The following RREB1 variants were observed in gnomAD, a reference collection of about 807,000 sequenced individuals.
RREB1 encodes the protein ras responsive element binding protein 1, also known as ras-responsive element-binding protein 1.
Under a neutral mutation model 117.8 loss-of-function variants are expected in RREB1, and 27 were observed. That is an observed-to-expected ratio of 0.23 (90% CI 0.17 to 0.32). The LOEUF (loss-of-function observed/expected upper bound fraction) is 0.32, where lower values mean the gene tolerates loss of function less well. Ranked by LOEUF, RREB1 falls within the 10% of genes least tolerant of loss-of-function variation. RREB1 has a pLI of 1.00. For missense variants in RREB1, 2,577 were observed against 2,378.2 expected, an observed-to-expected ratio of 1.08 and a Z score of -1.74; for synonymous variants, 1,298 against 1,026.7, an observed-to-expected ratio of 1.26 and a Z score of -5.05.
chr6:7,141,696 C>T (rs1762600178), intron 1 of RREB1, among the ~76,000 whole-genome samples: 1 of 152,232 alleles, frequency 6.6e-6, no homozygotes, highest in Non-Finnish European at 1.5e-5. Context: ...AAAAGAAAAA[C>T]CACGTATCTA....
intron 11 of RREB1, among the ~76,000 whole-genome samples, chr6:7,244,619 C>G (rs1393003582): frequency 1.3e-5 from 2 of 152,168 alleles, no homozygotes; most frequent in Non-Finnish European, 2.9e-5. Flanking sequence ...TTTGCAAAAT[C>G]ATTTCTTCTT....
intron 11 of RREB1, among the ~76,000 whole-genome samples, chr6:7,245,853 G>A (rs1768976826): frequency 6.6e-6 from 1 of 152,206 alleles, no homozygotes; most frequent in Non-Finnish European, 1.5e-5. Flanking sequence ...GCCCCCTTGG[G>A]TCTCTGCAGC....
intron 8 of RREB1, among the ~76,000 whole-genome samples, chr6:7,226,096 A>G (rs1464323809): frequency 1.3e-5 from 2 of 152,208 alleles, no homozygotes; most frequent in Non-Finnish European, 2.9e-5. Flanking sequence ...CAGTGAACTC[A>G]GGGAGAGAGA....
At chr6:7,190,192 T>G (rs539111725) in intron 6 of RREB1, among the ~76,000 whole-genome samples, 1 of 152,238 alleles carries the variant, frequency 6.6e-6, no homozygotes, top group African/African-American at 2.4e-5. Context: ...GGCACCTGAA[T>G]TCAAGTCTCA....
chr6:7,209,517 G>A (rs1286077522), intron 6 of RREB1, among the ~76,000 whole-genome samples: 1 of 151,514 alleles, frequency 6.6e-6, no homozygotes, highest in Non-Finnish European at 1.5e-5. Flanking sequence ...GCTTTAGGAG[G>A]CCAAGAACTA....
Position 7,229,009 on chromosome 6 carries a change from A to T in RREB1, c.910A>T (p.Thr304Ser). 1 of 1,524,372 alleles carries T rather than the reference A, an allele frequency of 6.6e-7. No homozygotes were observed. The highest frequency in any genetic ancestry group is 8.8e-7 in the Non-Finnish European group (1 of 1,133,038). The allele number at this position is 1,524,372 out of a possible 1,614,324, so 94.4% of individuals were successfully genotyped here. Reference sequence around the variant, plus strand: ...GGGTTCTATATAGGCCTGGTGCGAAACAAACCTGCGGAGGTGCATCAGCGA... The same window carrying T: ...GGGTTCTATATAGGCCTGGTGCGAATCAAACCTGCGGAGGTGCATCAGCGA... ...FPRISQAWCETNLRRCISEQH... is the reference protein window; with the variant it reads ...FPRISQAWCESNLRRCISEQH... Residue 304 changes from threonine (T) to serine (S), a missense_variant, in exon 10 of 13, where the codon ACA becomes TCA. Coordinates refer to ENST00000379938, the MANE Select transcript of RREB1 (RefSeq NM_001003699.4). This position sits in a 1 kb window ranked among gnomAD's most constrained non-coding sequence, Gnocchi z 4.5.
chr6:7,240,162 A>G lies in RREB1; in HGVS notation c.3809-276A>G, dbSNP rs146818937. ...TTGTTGTCGTTAATATTTTAATTGT[A>G]ATACCGTTGTTTTACTTTAAATGTA... On this transcript the variant is annotated intron_variant, in intron 10 of 12. Coordinates refer to ENST00000379938, the MANE Select transcript of RREB1 (RefSeq NM_001003699.4). Among the ~76,000 whole-genome samples the G allele has an allele frequency of 6.8e-3, 1,031 of 152,206 alleles. 7 individuals carry two copies. Among genetic ancestry groups the G allele is most frequent in the Non-Finnish European group, 8.8e-3 (597 of 68,026 alleles).
intron 8 of RREB1, among the ~76,000 whole-genome samples, chr6:7,224,639 G>A (rs1767476169): frequency 6.6e-6 from 1 of 152,192 alleles, no homozygotes; most frequent in East Asian, 1.9e-4. Flanking sequence ...CAGCCAGAAA[G>A]AACCTCACCC....
At chr6:7,133,767 TGCAAAAA>T (rs934881403) in intron 1 of RREB1, among the ~76,000 whole-genome samples, 7 of 152,134 alleles carry the variant, frequency 4.6e-5, no homozygotes, top group Non-Finnish European at 7.4e-5. Context: ...CATCTAATGA[TGCAAAAA>T]GGAAAAAGGA....
At chr6:7,154,974 A>G (rs1297492520) in intron 1 of RREB1, among the ~76,000 whole-genome samples, 2 of 152,330 alleles carry the variant, frequency 1.3e-5, no homozygotes, top group South Asian at 4.1e-4. Context: ...CTAGAGGGGC[A>G]TGGCTAGGCA....
chr6:7,125,372 G>A (rs1032337289), intron 1 of RREB1, among the ~76,000 whole-genome samples: 1 of 152,192 alleles, frequency 6.6e-6, no homozygotes, highest in East Asian at 1.9e-4. Flanking sequence ...TCTTTTGCGT[G>A]GTGGGAAATG....
At chr6:7,201,771 A>T (rs1268046080) in intron 6 of RREB1, among the ~76,000 whole-genome samples, 1 of 152,064 alleles carries the variant, frequency 6.6e-6, no homozygotes, top group Non-Finnish European at 1.5e-5. Flanking sequence ...CTTCCTTTTC[A>T]TGCTTATATA....
chr6:7,174,444 C>T (rs978804449), intron 1 of RREB1, among the ~76,000 whole-genome samples: 5 of 152,114 alleles, frequency 3.3e-5, no homozygotes, highest in African/African-American at 4.8e-5. Flanking sequence ...GCTTCCAGGA[C>T]GCTACCCGGT....
chr6:7,158,390 C>T (rs12111025), intron 1 of RREB1, among the ~76,000 whole-genome samples: 1 of 152,114 alleles, frequency 6.6e-6, no homozygotes. Flanking sequence ...TCTTACATCA[C>T]TTTTCTCAGC....
chr6:7,122,812 T>C (rs887745659), intron 1 of RREB1, among the ~76,000 whole-genome samples: 2 of 151,026 alleles, frequency 1.3e-5, no homozygotes, highest in Non-Finnish European at 3.0e-5. Context: ...AGAAGTGTGT[T>C]ATAAATACAG....
At chr6:7,245,243 A>G (rs1317462137) in intron 11 of RREB1, among the ~76,000 whole-genome samples, 1 of 152,040 alleles carries the variant, frequency 6.6e-6, no homozygotes, top group Non-Finnish European at 1.5e-5. Context: ...TAAAAATACA[A>G]AAATCAGCTG....
intron 1 of RREB1, among the ~76,000 whole-genome samples, chr6:7,163,788 G>A (rs533999936): frequency 2.3e-4 from 35 of 152,356 alleles, no homozygotes; most frequent in African/African-American, 8.2e-4. Flanking sequence ...TTTCTTTGCA[G>A]AAGTATAATG....
intron 1 of RREB1, among the ~76,000 whole-genome samples, chr6:7,117,759 G>A (rs1761479236): frequency 1.3e-5 from 2 of 151,942 alleles, no homozygotes; most frequent in South Asian, 4.2e-4. Flanking sequence ...TTTGGAGACA[G>A]GGTCTCTCTA....
At chr6:7,182,226 G>C in intron 4 of RREB1, 144 bp downstream of exon 4, 1 of 692,506 alleles carries the variant, frequency 1.4e-6, no homozygotes, top group Non-Finnish European at 2.3e-6. Context: ...TTTTTCAAGG[G>C]CAAAATTTTT....
Sources: gnomAD v4.1 joint callset for allele counts (sites outside exome capture counted in the v4.1 genomes callset) on GRCh38, gnomAD v4.1.1 for gene constraint, Gnocchi (gnomAD v3.1) non-coding constraint, MANE v1.5 for transcripts, NCBI Gene and HGNC (gene_info 2026-07-23, HGNC 2026-07-21) for gene names.